The following PPP4R2 variants were observed in gnomAD, a reference collection of about 807,000 sequenced individuals.
PPP4R2 encodes protein phosphatase 4 regulatory subunit 2.
Under a neutral mutation model 47.2 loss-of-function variants are expected in PPP4R2, and 13 were observed. That is an observed-to-expected ratio of 0.28 (90% CI 0.18 to 0.44). The LOEUF (loss-of-function observed/expected upper bound fraction) is 0.44, where lower values mean the gene tolerates loss of function less well. PPP4R2 is among the 20% of genes least tolerant of loss of function. The probability of loss-of-function intolerance (pLI) is 1.00; values close to 1 mark genes in which losing one functional copy is unlikely to be tolerated. For synonymous variants in PPP4R2, 151 were observed against 163.3 expected (o/e 0.92, Z 0.57); for missense variants, 421 against 491.2 (o/e 0.86, Z 1.35).
chr3:73,024,384 A>G (rs1575855319), intron 2 of PPP4R2, among the ~76,000 whole-genome samples: 1 of 152,214 alleles, frequency 6.6e-6, no homozygotes, highest in African/African-American at 2.4e-5. Flanking sequence ...GTCAATGTGT[A>G]TAACAACATA....
At chr3:73,011,965 A>G (rs1012182336) in intron 2 of PPP4R2, among the ~76,000 whole-genome samples, 3 of 152,202 alleles carry the variant, frequency 2.0e-5, no homozygotes, top group African/African-American at 7.2e-5. Flanking sequence ...AGGTCTTAAC[A>G]TTTGTAATTT....
At chr3:73,053,026 A>G (rs575083776) in intron 3 of PPP4R2, among the ~76,000 whole-genome samples, 12 of 152,350 alleles carry the variant, frequency 7.9e-5, no homozygotes, top group Admixed American at 2.6e-4. Context: ...TTAGCTCCAG[A>G]TGATTCAGGG....
chr3:73,014,313 G>C (rs1575845943), intron 2 of PPP4R2, among the ~76,000 whole-genome samples: 1 of 79,524 alleles, frequency 1.3e-5, no homozygotes, highest in Non-Finnish European at 3.4e-5. Context: ...TTTGAGACCG[G>C]GTCTCACTCT....
At chr3:73,007,568 G>A (rs1369530585) in intron 2 of PPP4R2, among the ~76,000 whole-genome samples, 3 of 151,446 alleles carry the variant, frequency 2.0e-5, no homozygotes, top group Non-Finnish European at 2.9e-5. Flanking sequence ...TCTGGCTCCC[G>A]GGTTCAAGCT....
At chr3:73,048,370 C>G (rs1702533539) in intron 3 of PPP4R2, among the ~76,000 whole-genome samples, 1 of 152,198 alleles carries the variant, frequency 6.6e-6, no homozygotes, top group South Asian at 2.1e-4. Flanking sequence ...CTGCCTCAGC[C>G]CCCCGGGTAG....
Position 73,068,101 on chromosome 3 carries a change from C to T in PPP4R2, c.*2379C>T, listed in dbSNP as rs373675134. On this transcript the variant is annotated 3_prime_UTR_variant, in exon 9 of 9. Transcript: ENST00000356692. ...TGATGGCCATTTGGAAGTAAATTTC[C>T]GCAGGTATTCATAGGTGCACTTAAC... The T allele has an allele frequency of 1.4e-4, 22 of 152,108 alleles. 1 individual carries two copies. The highest frequency in any genetic ancestry group is 9.7e-4 in the East Asian group (5 of 5,174). The allele number at this position is 152,108 out of a possible 1,614,324, so 9.4% of individuals were successfully genotyped here.
chr3:73,053,477 A>G (rs1702663031), intron 3 of PPP4R2, among the ~76,000 whole-genome samples: 1 of 152,256 alleles, frequency 6.6e-6, no homozygotes, highest in South Asian at 2.1e-4. Flanking sequence ...CAAATAAAAT[A>G]ACAGTTCAGA....
chr3:73,027,405 C>T (rs1237321355), intron 2 of PPP4R2, among the ~76,000 whole-genome samples: 1 of 152,210 alleles, frequency 6.6e-6, no homozygotes, highest in African/African-American at 2.4e-5. Context: ...GGATTACAGG[C>T]GTGAGCCCCG....
intron 8 of PPP4R2, 84 bp downstream of exon 8, chr3:73,065,225 G>A (rs530656510): frequency 3.9e-5 from 54 of 1,384,836 alleles, no homozygotes; most frequent in South Asian, 6.0e-5. Context: ...AGAATTTTAC[G>A]TAATGGAACT....
chr3:73,008,162 A>G (rs562790399), intron 2 of PPP4R2, among the ~76,000 whole-genome samples: 49 of 152,084 alleles, frequency 3.2e-4, no homozygotes, highest in Non-Finnish European at 5.6e-4. Context: ...ATCTATAAAT[A>G]CTAAAATTAC....
At chr3:73,065,365 A>G (rs1417307728) in intron 8 of PPP4R2, 32 bp from the exon 9 acceptor site, 45 of 1,541,966 alleles carry the variant, frequency 2.9e-5, no homozygotes, top group African/African-American at 4.2e-5. Context: ...TGAAAATACA[A>G]TTTAACTACA....
chr3:73,010,657 C>T (rs1024667023), intron 2 of PPP4R2, among the ~76,000 whole-genome samples: 4 of 152,024 alleles, frequency 2.6e-5, no homozygotes, highest in African/African-American at 7.2e-5. Context: ...CTCCCGGTTT[C>T]GAGCGATTCT....
intron 2 of PPP4R2, among the ~76,000 whole-genome samples, chr3:73,018,411 A>ATGTT (rs1701886032): frequency 1.3e-5 from 1 of 76,154 alleles, no homozygotes; most frequent in South Asian, 5.1e-4. Flanking sequence ...CATAGTCGTT[A>ATGTT]TGTTATGTTA....
intron 4 of PPP4R2, 67 bp downstream of exon 4, chr3:73,059,197 T>A (rs1483945787): frequency 2.6e-6 from 2 of 780,120 alleles, no homozygotes. Context: ...GAAAAGAACA[T>A]TGAGTAAGAT....
At chr3:72,997,978 T>A (rs1355360688) in intron 1 of PPP4R2, 99 bp from the exon 2 acceptor site, 2 of 822,882 alleles carry the variant, frequency 2.4e-6, no homozygotes, top group Non-Finnish European at 4.0e-6. Flanking sequence ...TAATTTTGTA[T>A]TTAATTGATT....
At chr3:73,029,357 G>T (rs1051206604) in intron 2 of PPP4R2, among the ~76,000 whole-genome samples, 6 of 152,216 alleles carry the variant, frequency 3.9e-5, no homozygotes, top group Non-Finnish European at 8.8e-5. Flanking sequence ...AGAGGCAGGG[G>T]TATTGAAATC....
At chr3:73,045,374 C>T (rs1384922778) in intron 2 of PPP4R2, among the ~76,000 whole-genome samples, 1 of 152,070 alleles carries the variant, frequency 6.6e-6, no homozygotes, top group Non-Finnish European at 1.5e-5. Context: ...AGCTTTCAAG[C>T]TCACAGTGAA....
chr3:73,032,431 G>T (rs1207573901), intron 2 of PPP4R2, among the ~76,000 whole-genome samples: 1 of 151,706 alleles, frequency 6.6e-6, no homozygotes, highest in South Asian at 2.1e-4. Context: ...TGAGATTACA[G>T]GCAGGCACCA....
Position 73,063,151 on chromosome 3 carries a change from A to G in PPP4R2, c.420-522A>G, listed in dbSNP as rs1488672414. 5 of 486,088 alleles carry G rather than the reference A, an allele frequency of 1.0e-5. No individual in the cohort carries two copies. In the Admixed American group the frequency reaches 1.6e-4, roughly 16 times the overall value. 30.1% of individuals were successfully genotyped at this position (486,088 alleles called of 1,614,324 possible). A position where few individuals can be genotyped will look rare whatever the true frequency, so the allele number is the denominator to read the frequency against. ...AACAGCGGCAAACTACTGGGCCAAG[A>G]TGAGCAACCCCACATTTTTGGGATT... On this transcript the variant is annotated intron_variant, in intron 5 of 8. Transcript: ENST00000356692.
Sources: gnomAD v4.1 joint callset for allele counts (sites outside exome capture counted in the v4.1 genomes callset) on GRCh38, gnomAD v4.1.1 for gene constraint, MANE v1.5 for transcripts, NCBI Gene and HGNC (gene_info 2026-07-23, HGNC 2026-07-21) for gene names.